CEP128: variants seen among roughly 807,000 people sequenced by gnomAD.
The protein encoded by CEP128 is centrosomal protein 128kDa.
A neutral mutation model predicts 156.7 loss-of-function variants in CEP128; 132 were observed. The ratio of observed to expected loss-of-function variants is 0.84; its 90% CI spans 0.73 to 0.97. The LOEUF is 0.97. CEP128 is among the 50% of genes least tolerant of loss of function. CEP128 has a pLI of 0.00. For synonymous variants in CEP128, 469 were observed against 448.9 expected (o/e 1.04, Z -0.57); for missense variants, 1,252 against 1,281.9 (o/e 0.98, Z 0.36).
chr14:80,591,273 C>A (rs1251014812), intron 19 of CEP128, among the ~76,000 whole-genome samples: 1 of 151,100 alleles, frequency 6.6e-6, no homozygotes, highest in African/African-American at 2.4e-5. Flanking sequence ...ATCTCACGTA[C>A]AAAGACACAC....
intron 23 of CEP128, among the ~76,000 whole-genome samples, chr14:80,510,260 C>A (rs899140914): frequency 2.0e-5 from 3 of 151,976 alleles, no homozygotes; most frequent in African/African-American, 7.2e-5. Flanking sequence ...CATAAAATAT[C>A]TTTCCATTTT....
chr14:80,500,803 A>G (rs1887698386), intron 24 of CEP128, among the ~76,000 whole-genome samples: 1 of 152,176 alleles, frequency 6.6e-6, no homozygotes, highest in South Asian at 2.1e-4. Flanking sequence ...CATACTCCCA[A>G]TATAGTTACA....
At chr14:80,769,143 T>C (rs1157774268) in intron 16 of CEP128, among the ~76,000 whole-genome samples, 1 of 151,966 alleles carries the variant, frequency 6.6e-6, no homozygotes, top group Non-Finnish European at 1.5e-5. Flanking sequence ...GGAACGAACA[T>C]TGTTTAATTT....
rs572484926 is a variant in CEP128, at chr14:80,899,943, C to T, written c.567G>A (p.Arg189=). The change falls in exon 7 of 25, where the codon AGG becomes AGA. Residue 189 remains arginine (R), a synonymous_variant. Transcript: ENST00000555265. ...GDDFNRELSR[R]SRSDAETKRA... is the part of the protein sequence containing the mutation. ...AAACCATAGGCTGCTTTTACCGGCTCCTTCTGGAAAGCTCCCTGTTGAAAT... is the reference window on the plus strand; with the variant it reads ...AAACCATAGGCTGCTTTTACCGGCTTCTTCTGGAAAGCTCCCTGTTGAAAT... The T allele has an allele frequency of 7.4e-6, 12 of 1,611,150 alleles. 1 individual carries two copies. Among genetic ancestry groups the T allele is most frequent in the Admixed American group, 6.7e-5 (4 of 60,020 alleles).
chr14:80,692,763 T>A (rs1004957509), intron 19 of CEP128, among the ~76,000 whole-genome samples: 5 of 152,190 alleles, frequency 3.3e-5, no homozygotes, highest in Admixed American at 3.3e-4. Context: ...ACATGATTCT[T>A]CACAGCAAGA....
intron 23 of CEP128, among the ~76,000 whole-genome samples, chr14:80,521,299 A>C (rs1271083561): frequency 1.3e-5 from 2 of 152,098 alleles, no homozygotes; most frequent in Non-Finnish European, 2.9e-5. Flanking sequence ...ATTTCTTCAC[A>C]ATCTTTCTTT....
intron 8 of CEP128, among the ~76,000 whole-genome samples, chr14:80,868,814 C>G (rs973220937): frequency 1.3e-5 from 2 of 151,842 alleles, no homozygotes; most frequent in Admixed American, 6.6e-5. Context: ...AAAAGGTATT[C>G]TACACAAATG....
intron 23 of CEP128, among the ~76,000 whole-genome samples, chr14:80,515,828 G>A (rs148025211): frequency 2.0e-5 from 3 of 152,206 alleles, no homozygotes; most frequent in Admixed American, 6.5e-5. Flanking sequence ...ACAGGCCTGC[G>A]TCTTACCTAA....
chr14:80,882,329 A>G (rs1050276552), intron 8 of CEP128, among the ~76,000 whole-genome samples: 1 of 152,212 alleles, frequency 6.6e-6, no homozygotes, highest in African/African-American at 2.4e-5. Context: ...AAAGGTCATC[A>G]CTGATCATCA....
At chr14:80,520,834 A>ATTTT (rs945849215) in intron 23 of CEP128, among the ~76,000 whole-genome samples, 2 of 151,376 alleles carry the variant, frequency 1.3e-5, no homozygotes, top group African/African-American at 4.8e-5. Context: ...TTATTTATTT[A>ATTTT]TTTTTTGAGA....
At chr14:80,828,574 G>A (rs937331756) in intron 13 of CEP128, among the ~76,000 whole-genome samples, 12 of 152,072 alleles carry the variant, frequency 7.9e-5, no homozygotes, top group African/African-American at 2.7e-4. Context: ...CTTTTACATG[G>A]GGGAAAAAGT....
At chr14:80,532,744 T>C (rs942341893) in intron 21 of CEP128, among the ~76,000 whole-genome samples, 1 of 152,240 alleles carries the variant, frequency 6.6e-6, no homozygotes. Context: ...TTCTGAGTCA[T>C]TTTACTACTT....
chr14:80,527,375 G>A (rs1029186246), intron 22 of CEP128: 1 of 267,142 alleles, frequency 3.7e-6, no homozygotes, highest in Non-Finnish European at 7.9e-6. Flanking sequence ...GGCAGAGGTT[G>A]CAGTGAGATT....
At chr14:80,804,796 A>G (rs575788408) in intron 13 of CEP128, among the ~76,000 whole-genome samples, 86 of 152,152 alleles carry the variant, frequency 5.7e-4, no homozygotes, top group Non-Finnish European at 7.9e-4. Context: ...ACTAAAATGG[A>G]GTAGATGCTT....
At chr14:80,865,487 T>C (rs2099844674) in intron 8 of CEP128, among the ~76,000 whole-genome samples, 1 of 152,178 alleles carries the variant, frequency 6.6e-6, no homozygotes, top group Admixed American at 6.5e-5. Context: ...GTTTTATTCT[T>C]AATTTTGATA....
intron 2 of CEP128, among the ~76,000 whole-genome samples, chr14:80,932,910 G>A (rs1239494679): frequency 1.3e-5 from 2 of 150,310 alleles, no homozygotes; most frequent in Non-Finnish European, 2.9e-5. Flanking sequence ...TAATAATAAT[G>A]ATTTTTTAAA....
At chr14:80,717,605 G>T (rs1323636512) in intron 19 of CEP128, among the ~76,000 whole-genome samples, 1 of 152,000 alleles carries the variant, frequency 6.6e-6, no homozygotes, top group Non-Finnish European at 1.5e-5. Context: ...GATTGTTAAG[G>T]TGCAAAGGTT....
intron 3 of CEP128, 22 bp downstream of exon 3, chr14:80,916,379 A>T: frequency 6.3e-7 from 1 of 1,594,986 alleles, no homozygotes; most frequent in Non-Finnish European, 8.6e-7. Context: ...ATTCTATTAA[A>T]TGCAACCATT....
intron 19 of CEP128, among the ~76,000 whole-genome samples, chr14:80,740,949 A>C (rs1898802834): frequency 6.6e-6 from 1 of 152,144 alleles, no homozygotes; most frequent in African/African-American, 2.4e-5. Context: ...ACAAATCCAG[A>C]AGAGTATAGC....
Sources: gnomAD v4.1 joint callset for allele counts (sites outside exome capture counted in the v4.1 genomes callset) on GRCh38, gnomAD v4.1.1 for gene constraint, MANE v1.5 for transcripts, NCBI Gene and HGNC (gene_info 2026-07-23, HGNC 2026-07-21) for gene names.